The following MBOAT2 variants were observed in gnomAD, a reference collection of about 807,000 sequenced individuals.
MBOAT2 encodes membrane-bound glycerophospholipid O-acyltransferase 2.
MBOAT2 carries 28 observed loss-of-function variants against 63.4 expected under a neutral mutation model. That is an observed-to-expected ratio of 0.44 (90% CI 0.33 to 0.61). The LOEUF (loss-of-function observed/expected upper bound fraction) is 0.61, where lower values mean the gene tolerates loss of function less well. Ranked by LOEUF, MBOAT2 falls within the 20% of genes least tolerant of loss-of-function variation. The pLI is 0.03. For synonymous variants in MBOAT2, 211 were observed against 215.6 expected (o/e 0.98, Z 0.19); for missense variants, 470 against 605.8 (o/e 0.78, Z 2.35).
intron 4 of MBOAT2, among the ~76,000 whole-genome samples, chr2:8,898,239 T>C (rs1019297705): frequency 5.3e-5 from 8 of 152,210 alleles, no homozygotes; most frequent in African/African-American, 1.9e-4. Flanking sequence ...GAAGGCTGTT[T>C]CTGCCCCTGG....
chr2:8,970,346 G>C (rs562538912), intron 1 of MBOAT2, among the ~76,000 whole-genome samples: 2 of 152,294 alleles, frequency 1.3e-5, no homozygotes, highest in Admixed American at 1.3e-4. Context: ...CAACATACCA[G>C]AATCTCTGGG....
intron 5 of MBOAT2, among the ~76,000 whole-genome samples, chr2:8,885,826 T>C (rs1331046560): frequency 6.6e-6 from 1 of 152,202 alleles, no homozygotes; most frequent in East Asian, 1.9e-4. Context: ...GGATTGATAG[T>C]TGAAAAACAG....
At chr2:8,874,323 C>T (rs187154935) in intron 7 of MBOAT2, among the ~76,000 whole-genome samples, 58 of 152,222 alleles carry the variant, frequency 3.8e-4, no homozygotes, top group Non-Finnish European at 7.1e-4. Context: ...GTCTTTTATC[C>T]CTTTCTTTAA....
At chr2:8,956,217 T>C (rs1669214325) in intron 2 of MBOAT2, among the ~76,000 whole-genome samples, 1 of 152,272 alleles carries the variant, frequency 6.6e-6, no homozygotes, top group Admixed American at 6.5e-5. Context: ...GCAGATACGA[T>C]TGCCTTTGAG....
At chr2:8,864,103 C>A in intron 10 of MBOAT2, 67 bp downstream of exon 10, 2 of 1,104,168 alleles carry the variant, frequency 1.8e-6, no homozygotes, top group South Asian at 1.6e-5. Flanking sequence ...AACCTGAACT[C>A]AATGAAGCTC....
At chr2:8,893,955 A>T (rs200663717) in intron 4 of MBOAT2, among the ~76,000 whole-genome samples, 2 of 148,174 alleles carry the variant, frequency 1.3e-5, no homozygotes, top group Non-Finnish European at 3.0e-5. Flanking sequence ...AAAACACTGC[A>T]TTTTTTTTTT....
chr2:8,905,893 T>G (rs1665291776), intron 4 of MBOAT2, among the ~76,000 whole-genome samples: 1 of 152,268 alleles, frequency 6.6e-6, no homozygotes, highest in South Asian at 2.1e-4. Flanking sequence ...AAGTCCAGGT[T>G]GTTTTTCTTC....
At chr2:8,982,335 A>G (rs150583331) in intron 1 of MBOAT2, among the ~76,000 whole-genome samples, 67 of 152,312 alleles carry the variant, frequency 4.4e-4, no homozygotes, top group African/African-American at 1.6e-3. Context: ...CTTGGAAAGC[A>G]TTATTCTTAA....
At chr2:8,928,867 T>C (rs1312718776) in intron 3 of MBOAT2, among the ~76,000 whole-genome samples, 1 of 152,220 alleles carries the variant, frequency 6.6e-6, no homozygotes, top group South Asian at 2.1e-4. Context: ...GTTATTACTA[T>C]GAAAATAGTT....
chr2:8,931,857 G>C (rs1348749972), intron 3 of MBOAT2, among the ~76,000 whole-genome samples: 1 of 152,126 alleles, frequency 6.6e-6, no homozygotes. Context: ...TTTCCCCGTT[G>C]CTTGCTTTTG....
At chr2:8,866,961 C>G (rs1041196162) in intron 9 of MBOAT2, among the ~76,000 whole-genome samples, 1 of 152,214 alleles carries the variant, frequency 6.6e-6, no homozygotes, top group Non-Finnish European at 1.5e-5. Flanking sequence ...TAGGGCTCAT[C>G]AGAGGATCCA....
intron 3 of MBOAT2, among the ~76,000 whole-genome samples, chr2:8,917,724 T>A (rs1314625218): frequency 6.6e-6 from 1 of 152,188 alleles, no homozygotes; most frequent in Non-Finnish European, 1.5e-5. Context: ...GCAATTCCTC[T>A]CCTAGGTATT....
rs532715829 is a variant in MBOAT2, at chr2:8,946,093, A to G, written c.222-2829T>C. Among the ~76,000 whole-genome samples, 4 of 152,368 alleles carry G rather than the reference A, an allele frequency of 2.6e-5. No individual in the cohort carries two copies. The South Asian group carries it at 6.2e-4, about 24-fold the overall frequency. On this transcript the variant is annotated intron_variant, in intron 2 of 12. Transcript: ENST00000305997. ...ATCTGCATCACTCTGGATGATGGTA[A>G]TAACAGATGAATGACTCTGAGTAAC... is the stretch of plus-strand genomic sequence containing the variant.
intron 2 of MBOAT2, among the ~76,000 whole-genome samples, chr2:8,948,368 A>C (rs1432291805): frequency 2.0e-5 from 3 of 152,210 alleles, no homozygotes; most frequent in African/African-American, 7.2e-5. Flanking sequence ...TTTTATACTC[A>C]GGGGATACAT....
rs113185738 is a variant in MBOAT2, at chr2:8,977,841, C to T, written c.76-19199G>A. Among the ~76,000 whole-genome samples, 758 of 152,232 alleles carry T rather than the reference C, an allele frequency of 5.0e-3. 9 individuals carry two copies. The highest frequency in any genetic ancestry group is 0.02 in the South Asian group (97 of 4,822). Reference sequence around the variant, plus strand: ...AGTAACTGCACCATCACACTTCAACCAAAACCTTGCAATCAACCTCTGACT... The same window carrying T: ...AGTAACTGCACCATCACACTTCAACTAAAACCTTGCAATCAACCTCTGACT... On this transcript the variant is annotated intron_variant, in intron 1 of 12. Transcript: ENST00000305997.
intron 3 of MBOAT2, among the ~76,000 whole-genome samples, chr2:8,923,798 T>C (rs76585354): frequency 0.022 from 3,307 of 152,294 alleles, 134 homozygotes; most frequent in African/African-American, 0.075. Flanking sequence ...TGTTGCTTGC[T>C]TTTGGTCAAT....
intron 1 of MBOAT2, among the ~76,000 whole-genome samples, chr2:8,989,082 CAAAG>C (rs1321431515): frequency 1.3e-5 from 2 of 152,134 alleles, no homozygotes; most frequent in African/African-American, 4.8e-5. Flanking sequence ...GAGTTGAAGA[CAAAG>C]AAATCTTTGA....
intron 4 of MBOAT2, among the ~76,000 whole-genome samples, chr2:8,889,916 G>C (rs551501855): frequency 3.9e-5 from 6 of 152,308 alleles, no homozygotes; most frequent in Admixed American, 1.3e-4. Flanking sequence ...AAAGGACACA[G>C]AAACTCTTAT....
At chr2:8,984,577 C>T (rs1286096709) in intron 1 of MBOAT2, among the ~76,000 whole-genome samples, 3 of 152,042 alleles carry the variant, frequency 2.0e-5, no homozygotes. Context: ...AGCATACATT[C>T]TCTTGCAAAT....
Sources: gnomAD v4.1 joint callset for allele counts (sites outside exome capture counted in the v4.1 genomes callset) on GRCh38, gnomAD v4.1.1 for gene constraint, MANE v1.5 for transcripts, NCBI Gene and HGNC (gene_info 2026-07-23, HGNC 2026-07-21) for gene names.